The following WWOX variants were observed in gnomAD, a reference collection of about 807,000 sequenced individuals.
WWOX encodes WW domain-containing oxidoreductase.
In WWOX, 69 loss-of-function variants were observed where a neutral mutation model predicts 46.2. The observed-to-expected ratio is 1.49, with a 90% CI of 1.23 to 1.82. The LOEUF is 1.82. Among genes scored for constraint, WWOX ranks in the 40% most tolerant of loss-of-function variants. The pLI is 0.00. For missense variants in WWOX, 919 were observed against 542.6 expected, an observed-to-expected ratio of 1.69 and a Z score of -6.89; for synonymous variants, 359 against 202.6, an observed-to-expected ratio of 1.77 and a Z score of -6.56.
chr16:78,751,200 T>G (rs1320414962), intron 8 of WWOX, among the ~76,000 whole-genome samples: 5 of 152,176 alleles, frequency 3.3e-5, no homozygotes, highest in African/African-American at 1.2e-4. Context: ...ACAGATGTAT[T>G]TAATTTGTGT....
At chr16:78,937,082 A>G (rs569427829) in intron 8 of WWOX, among the ~76,000 whole-genome samples, 1 of 152,354 alleles carries the variant, frequency 6.6e-6, no homozygotes, top group African/African-American at 2.4e-5. Context: ...CTGGAACTTC[A>G]AAATAGCTTC....
chr16:78,103,175 C>T (rs2031910646), intron 1 of WWOX, among the ~76,000 whole-genome samples: 1 of 152,020 alleles, frequency 6.6e-6, no homozygotes, highest in Non-Finnish European at 1.5e-5. Flanking sequence ...ACATGGTTTC[C>T]AAACGCCTTT....
intron 8 of WWOX, among the ~76,000 whole-genome samples, chr16:79,180,572 T>C (rs994735359): frequency 2.0e-5 from 3 of 152,168 alleles, no homozygotes; most frequent in African/African-American, 7.2e-5. Context: ...ATAGGAACCT[T>C]AGAAACCCTG....
At chr16:78,900,057 CTTTTT>C (rs754732541) in intron 8 of WWOX, among the ~76,000 whole-genome samples, 3 of 102,162 alleles carry the variant, frequency 2.9e-5, no homozygotes, top group African/African-American at 8.2e-5. Flanking sequence ...GCCCTCCTGA[CTTTTT>C]TTTTTTTTTT....
At chr16:78,886,036 C>T (rs988381214) in intron 8 of WWOX, among the ~76,000 whole-genome samples, 15 of 151,086 alleles carry the variant, frequency 9.9e-5, no homozygotes, top group Non-Finnish European at 2.2e-4. Context: ...GCAATTCTCC[C>T]ACCTCAGCAT....
chr16:78,514,534 T>G (rs1352025410), intron 8 of WWOX, among the ~76,000 whole-genome samples: 2 of 152,200 alleles, frequency 1.3e-5, no homozygotes, highest in African/African-American at 4.8e-5. Context: ...TAGATAGGCA[T>G]CATTGCCTTT....
At chr16:78,744,959 C>T (rs768845083) in intron 8 of WWOX, among the ~76,000 whole-genome samples, 6 of 152,176 alleles carry the variant, frequency 3.9e-5, no homozygotes, top group Admixed American at 2.6e-4. Flanking sequence ...ATTCAGGCTG[C>T]GCTAAGCTGA....
intron 8 of WWOX, among the ~76,000 whole-genome samples, chr16:78,652,408 CAAAAAAAAAAA>C (rs747993811): frequency 8.4e-5 from 9 of 107,500 alleles, no homozygotes; most frequent in Admixed American, 5.2e-4. Flanking sequence ...GACTCCGTCT[CAAAAAAAAAAA>C]AAAAAAAAAA....
At chr16:78,374,353 TC>T (rs1053716884) in intron 5 of WWOX, among the ~76,000 whole-genome samples, 10 of 152,058 alleles carry the variant, frequency 6.6e-5, no homozygotes, top group African/African-American at 2.4e-4. Context: ...GTGAAATCCT[TC>T]CCCCCATAAA....
intron 8 of WWOX, among the ~76,000 whole-genome samples, chr16:78,437,949 A>G (rs1444081608): frequency 6.6e-6 from 1 of 152,144 alleles, no homozygotes; most frequent in Non-Finnish European, 1.5e-5. Context: ...AATGTATTGT[A>G]TTTTAGTATC....
intron 8 of WWOX, among the ~76,000 whole-genome samples, chr16:78,807,302 A>C (rs982255633): frequency 6.6e-6 from 1 of 152,256 alleles, no homozygotes; most frequent in African/African-American, 2.4e-5. Context: ...ACAATGTCAA[A>C]ATACTTAAAA....
At chr16:78,420,903 G>A (rs574199530) in intron 6 of WWOX, among the ~76,000 whole-genome samples, 1 of 152,192 alleles carries the variant, frequency 6.6e-6, no homozygotes, top group East Asian at 1.9e-4. Flanking sequence ...AAATCTTTTC[G>A]TGGGGTATGG....
At chr16:78,889,003 G>C (rs577672632) in intron 8 of WWOX, among the ~76,000 whole-genome samples, 1 of 151,788 alleles carries the variant, frequency 6.6e-6, no homozygotes, top group African/African-American at 2.4e-5. Context: ...ACCACCTCCA[G>C]CTCCCCCTAG....
chr16:78,133,809 G>C (rs57508390), intron 4 of WWOX, among the ~76,000 whole-genome samples: 22,660 of 152,234 alleles, frequency 0.15, 1,902 homozygotes, highest in East Asian at 0.27. Context: ...GTAGAATCCT[G>C]GGGAAGCTAG....
At chr16:78,903,062 A>G (rs1405593321) in intron 8 of WWOX, among the ~76,000 whole-genome samples, 1 of 152,222 alleles carries the variant, frequency 6.6e-6, no homozygotes, top group Non-Finnish European at 1.5e-5. Context: ...GAATGAAGCA[A>G]CAAAAGCTGA....
intron 8 of WWOX, among the ~76,000 whole-genome samples, chr16:78,499,561 G>C (rs181131898): frequency 6.6e-5 from 10 of 152,364 alleles, no homozygotes; most frequent in Admixed American, 1.3e-4. Flanking sequence ...ATGCCGGGCG[G>C]TGGACGGGCT....
intron 8 of WWOX, among the ~76,000 whole-genome samples, chr16:79,125,499 C>T (rs188851050): frequency 2.0e-4 from 30 of 152,264 alleles, no homozygotes; most frequent in Middle Eastern, 6.8e-3. Flanking sequence ...GGATCCAGTA[C>T]GCCCAGGCTC....
chr16:78,749,827 C>G (rs2049434857), intron 8 of WWOX, among the ~76,000 whole-genome samples: 1 of 152,200 alleles, frequency 6.6e-6, no homozygotes, highest in Admixed American at 6.5e-5. Flanking sequence ...AACTGTTCCT[C>G]TTAACACCTC....
chr16:78,879,513 A>T (rs1002576919), intron 8 of WWOX, among the ~76,000 whole-genome samples: 4 of 152,176 alleles, frequency 2.6e-5, no homozygotes, highest in Admixed American at 6.5e-5. Flanking sequence ...AAAAAAAAAA[A>T]AAAATTTGGC....
Sources: allele counts gnomAD v4.1 joint callset (sites outside exome capture counted in the v4.1 genomes callset), GRCh38; gene constraint gnomAD v4.1.1; transcripts MANE v1.5; gene names NCBI Gene and HGNC (gene_info 2026-07-23, HGNC 2026-07-21).